Variants in ANTXR1 observed in about 807,000 individuals in gnomAD.
The protein encoded by ANTXR1 is anthrax toxin receptor 1.
ANTXR1 carries 19 observed loss-of-function variants against 78.1 expected under a neutral mutation model. That is an observed-to-expected ratio of 0.24 (90% CI 0.17 to 0.36). The LOEUF (loss-of-function observed/expected upper bound fraction) is 0.36, where lower values mean the gene tolerates loss of function less well. Ranked by LOEUF, ANTXR1 falls within the 10% of genes least tolerant of loss-of-function variation. The pLI, the probability that ANTXR1 is intolerant of heterozygous loss-of-function variation, is 1.00. For synonymous variants in ANTXR1, 273 were observed against 260.5 expected, an observed-to-expected ratio of 1.05 and a Z score of -0.46; for missense variants, 518 against 718.6, an observed-to-expected ratio of 0.72 and a Z score of 3.19.
At chr2:69,219,041 T>C (rs1675248480) in intron 17 of ANTXR1, among the ~76,000 whole-genome samples, 1 of 152,176 alleles carries the variant, frequency 6.6e-6, no homozygotes, top group Non-Finnish European at 1.5e-5. Context: ...ATTATGATTA[T>C]TATTTCATGG....
intron 3 of ANTXR1, 60 bp downstream of exon 3, chr2:69,044,873 A>G: frequency 6.5e-7 from 1 of 1,529,412 alleles, no homozygotes. Context: ...TAGCCCTGAG[A>G]TTTGTGCTCT....
chr2:69,123,523 C>G (rs747386028), intron 11 of ANTXR1, among the ~76,000 whole-genome samples: 2 of 152,200 alleles, frequency 1.3e-5, no homozygotes, highest in African/African-American at 2.4e-5. Flanking sequence ...GAAAGGGAGG[C>G]TCAGAAAGGC....
chr2:69,038,496 A>T (rs898820482), intron 1 of ANTXR1, among the ~76,000 whole-genome samples: 3 of 152,230 alleles, frequency 2.0e-5, no homozygotes, highest in African/African-American at 7.2e-5. Context: ...AAGATTCTAG[A>T]CAATCTGTGT....
chr2:69,236,847 TA>T (rs1306175738), intron 17 of ANTXR1, among the ~76,000 whole-genome samples: 3 of 152,216 alleles, frequency 2.0e-5, no homozygotes, highest in African/African-American at 7.2e-5. Context: ...TAAACTACTT[TA>T]AAACTTTCAT....
intron 10 of ANTXR1, among the ~76,000 whole-genome samples, chr2:69,111,470 T>C (rs533967846): frequency 2.0e-5 from 3 of 152,230 alleles, no homozygotes; most frequent in Non-Finnish European, 4.4e-5. Flanking sequence ...GGTATGACTA[T>C]AAACAAAAGA....
rs188493194 is a variant in ANTXR1, at chr2:69,236,551, A to G, written c.1435-8674A>G. On this transcript the variant is annotated intron_variant, in intron 17 of 17. Coordinates refer to ENST00000303714, the MANE Select transcript of ANTXR1 (RefSeq NM_032208.3). ...AATAGTATTGGAACTATGAATGAAT[A>G]TCACTTTTTCTAGAAGACAGTTTGA... 2.3e-4 allele frequency among the ~76,000 whole-genome samples: 35 copies of G among 152,368 alleles called. 1 individual carries two copies. Among genetic ancestry groups the G allele is most frequent in the Admixed American group, 2.1e-3 (32 of 15,304 alleles).
At chr2:69,236,284 G>A (rs1675761327) in intron 17 of ANTXR1, among the ~76,000 whole-genome samples, 1 of 152,184 alleles carries the variant, frequency 6.6e-6, no homozygotes, top group Admixed American at 6.5e-5. Flanking sequence ...TGTAGTGTGT[G>A]TGTGTATATA....
At chr2:69,130,931 A>T (rs11885845) in intron 12 of ANTXR1, among the ~76,000 whole-genome samples, 3,461 of 152,316 alleles carry the variant, frequency 0.023, 133 homozygotes, top group African/African-American at 0.079. Flanking sequence ...TAAGTCAAAC[A>T]AGACTGGGTG....
intron 3 of ANTXR1, among the ~76,000 whole-genome samples, chr2:69,057,547 G>A (rs763058482): frequency 6.6e-6 from 1 of 152,158 alleles, no homozygotes; most frequent in Non-Finnish European, 1.5e-5. Context: ...CCACACACAT[G>A]TAAGACAGCA....
chr2:69,204,480 G>A (rs766987954), intron 17 of ANTXR1, among the ~76,000 whole-genome samples: 22 of 152,178 alleles, frequency 1.4e-4, no homozygotes, highest in Non-Finnish European at 2.8e-4. Context: ...AGAGATTCCC[G>A]AGCCCTCCCA....
intron 12 of ANTXR1, among the ~76,000 whole-genome samples, chr2:69,142,030 A>G (rs1033109552): frequency 1.3e-5 from 2 of 152,236 alleles, no homozygotes; most frequent in African/African-American, 2.4e-5. Context: ...TACTAACAGT[A>G]TAAATAACTT....
rs1421346754 is a variant in ANTXR1 at position 69,124,547 on chromosome 2, C to G, written c.873-18C>G. 4.3e-6 allele frequency: 7 copies of G among 1,612,780 alleles called. No individual in the cohort carries two copies. The South Asian group carries it at 7.7e-5, about 18-fold the overall frequency. The stretch of plus-strand genomic sequence containing the variant: ...TGCACGCCCTGCTGAGAGTCTGCTT[C>G]CCTTGTTGTCATTGCAGGAAAGCTG... On this transcript the variant is annotated intron_variant, in intron 11 of 17. Transcript: ENST00000303714.
At chr2:69,096,379 G>GGAAGGGA (rs1558541669) in intron 9 of ANTXR1, among the ~76,000 whole-genome samples, 5 of 73,080 alleles carry the variant, frequency 6.8e-5, no homozygotes, top group South Asian at 4.9e-4. Context: ...GGAGGAAGGA[G>GGAAGGGA]GGAAGGAAGG....
intron 3 of ANTXR1, among the ~76,000 whole-genome samples, chr2:69,046,481 G>A (rs1051497694): frequency 6.6e-6 from 1 of 152,194 alleles, no homozygotes; most frequent in African/African-American, 2.4e-5. Context: ...AAAACAGAGG[G>A]TAGAGTCCCT....
At chr2:69,087,254 G>C (rs989073298) in intron 8 of ANTXR1, among the ~76,000 whole-genome samples, 1 of 152,172 alleles carries the variant, frequency 6.6e-6, no homozygotes, top group Non-Finnish European at 1.5e-5. Context: ...TTACTTATCA[G>C]GTTTTAGGCA....
intron 8 of ANTXR1, among the ~76,000 whole-genome samples, chr2:69,090,350 C>G (rs968431460): frequency 4.1e-4 from 63 of 151,872 alleles, no homozygotes; most frequent in African/African-American, 1.5e-3. Context: ...CTGCCTGGAC[C>G]CTAATCCTCC....
chr2:69,165,369 C>T (rs1477449142), intron 13 of ANTXR1, among the ~76,000 whole-genome samples: 2 of 152,172 alleles, frequency 1.3e-5, no homozygotes, highest in African/African-American at 2.4e-5. Context: ...AAAAAGGACA[C>T]GGAGACACAA....
At chr2:69,060,083 T>G (rs1273852782) in intron 3 of ANTXR1, among the ~76,000 whole-genome samples, 1 of 152,212 alleles carries the variant, frequency 6.6e-6, no homozygotes, top group East Asian at 1.9e-4. Context: ...GGGCTCCTCT[T>G]TGTCAGCTTC....
At chr2:69,071,721 A>G (rs757158402) in intron 4 of ANTXR1, 33 bp from the exon 5 acceptor site, 12 of 1,612,882 alleles carry the variant, frequency 7.4e-6, no homozygotes, top group Non-Finnish European at 1.0e-5. Flanking sequence ...AACAGTGGTT[A>G]TAAGTCTAAG....
Sources: allele counts gnomAD v4.1 joint callset (sites outside exome capture counted in the v4.1 genomes callset), GRCh38; gene constraint gnomAD v4.1.1; transcripts MANE v1.5; gene names NCBI Gene and HGNC (gene_info 2026-07-23, HGNC 2026-07-21).